Variants in NSMCE2 observed in about 807,000 individuals in gnomAD.
The protein encoded by NSMCE2 is NSE2 SUMO ligase component of SMC5/6 complex, also known as E3 SUMO-protein ligase NSE2.
NSMCE2 carries 24 observed loss-of-function variants against 23.8 expected under a neutral mutation model. The observed-to-expected ratio is 1.01, with a 90% CI of 0.73 to 1.42. NSMCE2 has a LOEUF of 1.42. Among genes scored for constraint, NSMCE2 ranks in the 40% most tolerant of loss-of-function variants. The pLI, the probability that NSMCE2 is intolerant of heterozygous loss-of-function variation, is 0.00. For missense variants in NSMCE2, 284 were observed against 296.5 expected (o/e 0.96, Z 0.31); for synonymous variants, 92 against 94.1 (o/e 0.98, Z 0.13).
chr8:125,344,866 T>G (rs932069548), intron 5 of NSMCE2, among the ~76,000 whole-genome samples: 3 of 152,168 alleles, frequency 2.0e-5, no homozygotes, highest in African/African-American at 4.8e-5. Context: ...ATCAGATTTT[T>G]TAAAACCAGG....
In NSMCE2 at chr8:125,327,285, AAGAG is replaced by A. The variant is rs1390878137; in HGVS notation, c.419-29928_419-29925del. ...CATCTCAAAAAAAAAAAAAAAAAAA[AAGAG>A]AGAGAAACCAAAATTGGGAACTATA... On this transcript the variant is annotated intron_variant, in intron 5 of 7. Coordinates refer to ENST00000287437, the MANE Select transcript of NSMCE2 (RefSeq NM_173685.4). 1.8e-3 allele frequency among the ~76,000 whole-genome samples: 262 copies of A among 142,682 alleles called. 2 individuals are homozygous for A. The highest frequency in any genetic ancestry group is 6.3e-3 in the African/African-American group (243 of 38,406). The allele number at this position is 142,682 out of a possible 152,430, so 93.6% of individuals were successfully genotyped here.
At chr8:125,140,571 A>G (rs1029519623) in intron 3 of NSMCE2, among the ~76,000 whole-genome samples, 1 of 151,916 alleles carries the variant, frequency 6.6e-6, no homozygotes, top group Non-Finnish European at 1.5e-5. Context: ...GCTGAGGTTC[A>G]ATCGCATGAA....
chr8:125,253,122 A>AC (rs1826262869), intron 5 of NSMCE2, among the ~76,000 whole-genome samples: 1 of 152,092 alleles, frequency 6.6e-6, no homozygotes. Flanking sequence ...TTCCCATCCT[A>AC]CCCCAGGGTA....
chr8:125,220,413 T>C (rs570725635), intron 5 of NSMCE2, among the ~76,000 whole-genome samples: 1 of 152,288 alleles, frequency 6.6e-6, no homozygotes, highest in African/African-American at 2.4e-5. Context: ...TAATGGTTTG[T>C]ATAGAAAGAG....
At chr8:125,214,494 A>G (rs912897963) in intron 5 of NSMCE2, among the ~76,000 whole-genome samples, 1 of 152,210 alleles carries the variant, frequency 6.6e-6, no homozygotes, top group Admixed American at 6.5e-5. Flanking sequence ...GGGTCAGTAC[A>G]GGACCCTACG....
chr8:125,194,255 TC>T (rs1823498386), intron 5 of NSMCE2, among the ~76,000 whole-genome samples: 1 of 152,120 alleles, frequency 6.6e-6, no homozygotes, highest in African/African-American at 2.4e-5. Flanking sequence ...AGTTGACTCC[TC>T]CCCCCATTCC....
intron 5 of NSMCE2, among the ~76,000 whole-genome samples, chr8:125,232,088 G>A (rs543285833): frequency 2.6e-5 from 4 of 152,258 alleles, no homozygotes; most frequent in Middle Eastern, 3.4e-3. Flanking sequence ...GATGCCGGGC[G>A]CAGTGGCTCA....
chr8:125,176,474 A>G (rs750313503), intron 4 of NSMCE2, among the ~76,000 whole-genome samples: 71 of 151,670 alleles, frequency 4.7e-4, no homozygotes, highest in African/African-American at 6.1e-4. Flanking sequence ...TTTTGTTTCT[A>G]TTTATCCAGT....
At chr8:125,213,676 T>C (rs1056196760) in intron 5 of NSMCE2, among the ~76,000 whole-genome samples, 1 of 150,022 alleles carries the variant, frequency 6.7e-6, no homozygotes, top group Non-Finnish European at 1.5e-5. Context: ...TTTCTCTCTT[T>C]CTCTCTCTCT....
chr8:125,294,926 T>C (rs1468418169), intron 5 of NSMCE2, among the ~76,000 whole-genome samples: 1 of 152,192 alleles, frequency 6.6e-6, no homozygotes, highest in African/African-American at 2.4e-5. Context: ...GTGTGTCTCT[T>C]CTGGTTTTAT....
intron 4 of NSMCE2, among the ~76,000 whole-genome samples, chr8:125,171,472 C>T (rs932769576): frequency 2.0e-5 from 3 of 152,140 alleles, no homozygotes; most frequent in African/African-American, 4.8e-5. Context: ...AGCTTCAGTT[C>T]CTAATCAATA....
chr8:125,172,760 G>A (rs1292845136), intron 4 of NSMCE2, among the ~76,000 whole-genome samples: 1 of 152,208 alleles, frequency 6.6e-6, no homozygotes, highest in African/African-American at 2.4e-5. Flanking sequence ...TTTAGTCTTA[G>A]CTTTTGCTAT....
At chr8:125,312,922 C>T (rs536173645) in intron 5 of NSMCE2, among the ~76,000 whole-genome samples, 2 of 152,140 alleles carry the variant, frequency 1.3e-5, no homozygotes, top group African/African-American at 4.8e-5. Context: ...CAGAGAAGAA[C>T]TCAGCAAATA....
intron 5 of NSMCE2, among the ~76,000 whole-genome samples, chr8:125,268,090 C>G (rs975073879): frequency 4.0e-5 from 6 of 150,618 alleles, no homozygotes; most frequent in African/African-American, 1.5e-4. Context: ...AAAAAATTAA[C>G]TGGGCATGAT....
At chr8:125,229,760 C>A (rs1825245460) in intron 5 of NSMCE2, among the ~76,000 whole-genome samples, 1 of 151,988 alleles carries the variant, frequency 6.6e-6, no homozygotes, top group Non-Finnish European at 1.5e-5. Context: ...AGCTACATAT[C>A]TTTAGTTGAT....
At chr8:125,241,010 C>A (rs1825746338) in intron 5 of NSMCE2, among the ~76,000 whole-genome samples, 1 of 152,126 alleles carries the variant, frequency 6.6e-6, no homozygotes, top group South Asian at 2.1e-4. Flanking sequence ...ATCCAAAATA[C>A]CTGGGACCAG....
chr8:125,133,256 G>T (rs1454180299), intron 3 of NSMCE2, among the ~76,000 whole-genome samples: 1 of 152,146 alleles, frequency 6.6e-6, no homozygotes, highest in Non-Finnish European at 1.5e-5. Context: ...GTGAGTAAAT[G>T]ACTAGGATAT....
chr8:125,196,811 A>G (rs1359355485), intron 5 of NSMCE2, among the ~76,000 whole-genome samples: 2 of 152,154 alleles, frequency 1.3e-5, no homozygotes, highest in Non-Finnish European at 2.9e-5. Flanking sequence ...AATTTACACT[A>G]CCATCAACAG....
In NSMCE2 at chr8:125,354,423, A is replaced by C. The variant is rs545867831; in HGVS notation, c.419-2796A>C. Among the ~76,000 whole-genome samples, 89 of 152,348 alleles carry C rather than the reference A, an allele frequency of 5.8e-4. 1 individual carries two copies. The Middle Eastern group carries it at 0.024, about 41-fold the overall frequency. ...ACTTCCAAATTATGTATTTTCGATT[A>C]CCGGATCAACAATTAATGAAGTTAA... is the stretch of plus-strand genomic sequence containing the variant. On this transcript the variant is annotated intron_variant, in intron 5 of 7. Coordinates refer to ENST00000287437, the MANE Select transcript of NSMCE2 (RefSeq NM_173685.4).
Sources: allele counts gnomAD v4.1 joint callset (sites outside exome capture counted in the v4.1 genomes callset), GRCh38; gene constraint gnomAD v4.1.1; transcripts MANE v1.5; gene names NCBI Gene and HGNC (gene_info 2026-07-23, HGNC 2026-07-21).